Variants in PCDH7 observed in about 807,000 individuals in gnomAD.
PCDH7 encodes protocadherin 7.
Under a neutral mutation model 58.9 loss-of-function variants are expected in PCDH7, and 17 were observed. The ratio of observed to expected loss-of-function variants is 0.29; its 90% CI spans 0.20 to 0.43. The LOEUF (loss-of-function observed/expected upper bound fraction) is 0.43, where lower values mean the gene tolerates loss of function less well. Ranked by LOEUF, PCDH7 falls within the 20% of genes least tolerant of loss-of-function variation. The probability of loss-of-function intolerance (pLI) is 1.00; values close to 1 mark genes in which losing one functional copy is unlikely to be tolerated. For synonymous variants in PCDH7, 664 were observed against 616.4 expected, an observed-to-expected ratio of 1.08 and a Z score of -1.14; for missense variants, 1,274 against 1,441.0, an observed-to-expected ratio of 0.88 and a Z score of 1.88.
At position 30,721,485 on chromosome 4, in the gene PCDH7, G is replaced by T. The variant is rs950319286; in HGVS notation, c.63G>T (p.Leu21=). ...GGTGCTTGGGCTGCTGCCTCCTCCT[G>T]CCGCTCTCGCTCAGCCTGGCGGCCG... The change falls in exon 1 of 2, where the codon CTG becomes CTT. Residue 21 remains leucine (L), a synonymous_variant. Coordinates refer to ENST00000361762, the Ensembl canonical transcript of PCDH7. The surrounding 1 kb of genome is among the most constrained non-coding windows in gnomAD (Gnocchi z 6.7). 5.0e-6 allele frequency: 8 copies of T among 1,591,566 alleles called. No individual in the cohort carries two copies. In the African/African-American group the frequency reaches 6.7e-5, roughly 13 times the overall value.
chr4:30,925,409 G>A (rs1743728234), intron 2 of PCDH7, among the ~76,000 whole-genome samples: 2 of 152,154 alleles, frequency 1.3e-5, no homozygotes, highest in South Asian at 2.1e-4. Context: ...CTGATTTCAC[G>A]TAGATTGAGC....
chr4:31,104,811 A>G (rs1410711784), intron 3 of PCDH7, among the ~76,000 whole-genome samples: 5 of 152,212 alleles, frequency 3.3e-5, no homozygotes, highest in Non-Finnish European at 7.3e-5. Flanking sequence ...GAACAGCTGA[A>G]GTATGAGCGT....
At position 30,723,961 on chromosome 4, in the gene PCDH7, A is replaced by G; in HGVS notation, c.2539A>G (p.Thr847Ala). The G allele has an allele frequency of 6.2e-7, 1 of 1,614,148 alleles. No homozygotes were observed. Among genetic ancestry groups the G allele is most frequent in the Non-Finnish European group, 8.5e-7 (1 of 1,180,034 alleles). Residue 847 changes from threonine (T) to alanine (A), a missense_variant, in exon 1 of 2, where the codon ACT becomes GCT. Transcript: ENST00000361762. The surrounding 1 kb of genome is among the most constrained non-coding windows in gnomAD (Gnocchi z 4.6). Reference sequence around the variant, plus strand: ...TGTCAATGAAAGTGTTTCTAATGCAACTGCGATTGACTCCCAGATAGCTAG... The same window carrying G: ...TGTCAATGAAAGTGTTTCTAATGCAGCTGCGATTGACTCCCAGATAGCTAG...
At chr4:30,894,881 A>G (rs1739206063) in intron 1 of PCDH7, among the ~76,000 whole-genome samples, 1 of 151,516 alleles carries the variant, frequency 6.6e-6, no homozygotes, top group Non-Finnish European at 1.5e-5. Context: ...ATAATAATTC[A>G]GATGCCATAT....
chr4:30,999,244 C>T (rs1752151852), intron 3 of PCDH7, among the ~76,000 whole-genome samples: 1 of 151,980 alleles, frequency 6.6e-6, no homozygotes, highest in African/African-American at 2.4e-5. Flanking sequence ...TTTTGTTTCC[C>T]CTCCTTATCA....
chr4:30,940,105 CA>C (rs1467620771), intron 2 of PCDH7, among the ~76,000 whole-genome samples: 4 of 144,780 alleles, frequency 2.8e-5, no homozygotes, highest in South Asian at 2.2e-4. Flanking sequence ...AACAAACAAA[CA>C]AAAAAAAAAC....
chr4:31,059,660 A>T (rs1757531320), intron 3 of PCDH7, among the ~76,000 whole-genome samples: 1 of 151,870 alleles, frequency 6.6e-6, no homozygotes. Flanking sequence ...AATCTGGGAA[A>T]ACGAAAATTT....
intron 3 of PCDH7, among the ~76,000 whole-genome samples, chr4:31,027,149 C>T (rs986493350): frequency 1.3e-5 from 2 of 152,136 alleles, no homozygotes; most frequent in Non-Finnish European, 2.9e-5. Flanking sequence ...CCAGACCCAA[C>T]TCTTTCTGCC....
chr4:30,881,739 G>T (rs1159397042), intron 1 of PCDH7, among the ~76,000 whole-genome samples: 1 of 152,098 alleles, frequency 6.6e-6, no homozygotes, highest in African/African-American at 2.4e-5. Flanking sequence ...GGCGAAAATG[G>T]AAATCTTCCT....
At chr4:30,737,550 GTGTGTA>G (rs1716478227), downstream of PCDH7, among the ~76,000 whole-genome samples, 1 of 152,106 alleles carries the variant, frequency 6.6e-6, no homozygotes, top group South Asian at 2.1e-4. Flanking sequence ...GTGTGTGTGT[GTGTGTA>G]TGTATTTGTT....
chr4:31,084,282 T>G (rs186418398), intron 3 of PCDH7, among the ~76,000 whole-genome samples: 1 of 152,222 alleles, frequency 6.6e-6, no homozygotes, highest in Admixed American at 6.5e-5. Flanking sequence ...TGCAGAGAAA[T>G]ATGTAAAGGT....
chr4:30,785,604 T>C (rs1220684650), intron 1 of PCDH7, among the ~76,000 whole-genome samples: 1 of 152,084 alleles, frequency 6.6e-6, no homozygotes, highest in Admixed American at 6.6e-5. Flanking sequence ...CAGAGCATTT[T>C]AATGCATTTT....
chr4:30,743,005 T>C (rs770729236), intron 1 of PCDH7, among the ~76,000 whole-genome samples: 2 of 152,138 alleles, frequency 1.3e-5, no homozygotes, highest in Non-Finnish European at 1.5e-5. Flanking sequence ...AATTAATTCA[T>C]CTAATACTCT....
intron 2 of PCDH7, among the ~76,000 whole-genome samples, chr4:30,931,402 C>T (rs1430641226): frequency 6.6e-6 from 1 of 152,092 alleles, no homozygotes; most frequent in African/African-American, 2.4e-5. Context: ...ATGGAGAAAC[C>T]CTGTTTGTAT....
intron 1 of PCDH7, among the ~76,000 whole-genome samples, chr4:30,898,319 CTTAGT>C (rs1471782641): frequency 6.6e-6 from 1 of 152,026 alleles, no homozygotes; most frequent in Non-Finnish European, 1.5e-5. Flanking sequence ...CTTTCAGAGC[CTTAGT>C]TTATTCTTCT....
chr4:31,059,213 A>G (rs1757487987), intron 3 of PCDH7, among the ~76,000 whole-genome samples: 1 of 151,884 alleles, frequency 6.6e-6, no homozygotes, highest in Non-Finnish European at 1.5e-5. Context: ...ATGACAACCA[A>G]TTTTGAAGCA....
At chr4:30,830,008 A>G (rs1358271882) in intron 1 of PCDH7, among the ~76,000 whole-genome samples, 6 of 152,072 alleles carry the variant, frequency 3.9e-5, no homozygotes, top group Non-Finnish European at 8.8e-5. Flanking sequence ...CATGCACGTT[A>G]ATTTTTAAAA....
intron 3 of PCDH7, among the ~76,000 whole-genome samples, chr4:30,960,873 T>A (rs545502349): frequency 8.5e-5 from 13 of 152,164 alleles, no homozygotes; most frequent in Admixed American, 2.6e-4. Context: ...AAATGTGAAA[T>A]AAAATTTAGT....
intron 1 of PCDH7, among the ~76,000 whole-genome samples, chr4:30,892,669 T>C (rs565383172): frequency 3.0e-4 from 45 of 152,182 alleles, no homozygotes; most frequent in Non-Finnish European, 6.2e-4. Context: ...AGTGAATCAT[T>C]AGTAAATTAA....
Sources: gnomAD v4.1 joint callset for allele counts (sites outside exome capture counted in the v4.1 genomes callset) on GRCh38, gnomAD v4.1.1 for gene constraint, Gnocchi (gnomAD v3.1) non-coding constraint, MANE v1.5 for transcripts, NCBI Gene and HGNC (gene_info 2026-07-23, HGNC 2026-07-21) for gene names.